TTC39C: variants seen among roughly 807,000 people sequenced by gnomAD.
TTC39C encodes the protein tetratricopeptide repeat protein 39C.
TTC39C carries 33 observed loss-of-function variants against 76.3 expected under a neutral mutation model. That is an observed-to-expected ratio of 0.43 (90% CI 0.33 to 0.58). The LOEUF is 0.58. TTC39C is among the 20% of genes least tolerant of loss of function. The pLI is 0.04. For synonymous variants in TTC39C, 254 were observed against 260.6 expected, an observed-to-expected ratio of 0.97 and a Z score of 0.24; for missense variants, 595 against 701.4, an observed-to-expected ratio of 0.85 and a Z score of 1.71.
chr18:24,044,939 C>T (rs1044098571), intron 1 of TTC39C, among the ~76,000 whole-genome samples: 4 of 151,884 alleles, frequency 2.6e-5, no homozygotes, highest in African/African-American at 9.7e-5. Flanking sequence ...CTTTGGAGAC[C>T]ATTGGCATCA....
intron 1 of TTC39C, among the ~76,000 whole-genome samples, chr18:24,032,072 C>T (rs2083678030): frequency 6.6e-6 from 1 of 152,164 alleles, no homozygotes; most frequent in African/African-American, 2.4e-5. Flanking sequence ...CTGCCCTAAG[C>T]CCGAATGCAG....
Position 24,078,147 on chromosome 18 carries a change from G to A in TTC39C, c.461-2438G>A, listed in dbSNP as rs554431793. ...CTAAAAAAACTTTGTAGATTAATTT[G>A]TTTTACTTGTTCATTCTACCCTATA... On this transcript the variant is annotated intron_variant, in intron 4 of 13. Coordinates refer to ENST00000317571, the MANE Select transcript of TTC39C (RefSeq NM_001135993.2). 2.6e-5 allele frequency among the ~76,000 whole-genome samples: 4 copies of A among 152,248 alleles called. No individual in the cohort carries two copies. In the South Asian group the frequency reaches 8.3e-4, roughly 32 times the overall value.
intron 6 of TTC39C, among the ~76,000 whole-genome samples, chr18:24,112,834 G>A (rs531417277): frequency 1.3e-5 from 2 of 152,320 alleles, no homozygotes; most frequent in African/African-American, 4.8e-5. Flanking sequence ...GCTAAATGGA[G>A]TGCATATCTG....
At chr18:24,107,620 C>T (rs189979991) in intron 6 of TTC39C, among the ~76,000 whole-genome samples, 379 of 152,338 alleles carry the variant, frequency 2.5e-3, no homozygotes, top group African/African-American at 9.0e-3. Flanking sequence ...TGTTCCTTTG[C>T]TCCTCCTTCG....
chr18:24,034,127 C>T (rs577280934), intron 1 of TTC39C, among the ~76,000 whole-genome samples: 1 of 152,220 alleles, frequency 6.6e-6, no homozygotes, highest in South Asian at 2.1e-4. Context: ...TGCAGATGTC[C>T]CAGAGGAGGT....
intron 1 of TTC39C, among the ~76,000 whole-genome samples, chr18:24,049,454 G>A (rs1210431742): frequency 1.3e-5 from 2 of 152,204 alleles, no homozygotes; most frequent in African/African-American, 4.8e-5. Flanking sequence ...TTCTCAGGCT[G>A]TTCCCTCACT....
intron 1 of TTC39C, chr18:24,000,586 A>T (rs1382752019): frequency 6.6e-6 from 1 of 152,294 alleles, no homozygotes; most frequent in Non-Finnish European, 1.5e-5. Flanking sequence ...GGGAAAAGAG[A>T]AAGAGAATCC....
chr18:24,019,175 G>T (rs184885864), intron 1 of TTC39C, among the ~76,000 whole-genome samples: 7 of 152,148 alleles, frequency 4.6e-5, no homozygotes, highest in Non-Finnish European at 1.0e-4. Flanking sequence ...AATGAGCTTC[G>T]CAGTTCTTAT....
At chr18:24,023,981 C>CTATATATATCT (rs1413099935) in intron 1 of TTC39C, among the ~76,000 whole-genome samples, 1 of 17,860 alleles carries the variant, frequency 5.6e-5, no homozygotes, top group Non-Finnish European at 1.3e-4. Context: ...TATATATATA[C>CTATATATATCT]ATATATATAT....
At chr18:23,998,574 C>T (rs760237981) in intron 1 of TTC39C, among the ~76,000 whole-genome samples, 1 of 152,116 alleles carries the variant, frequency 6.6e-6, no homozygotes, top group Admixed American at 6.5e-5. Context: ...TGCACCACTG[C>T]ACTCCAGCCC....
Position 24,133,953 on chromosome 18 carries a change from A to C in TTC39C, c.*1379A>C, listed in dbSNP as rs1265365373. 6.5e-6 allele frequency: 1 copy of C among 152,756 alleles called. No homozygotes were observed. Among genetic ancestry groups the C allele is most frequent in the Admixed American group, 6.5e-5 (1 of 15,278 alleles). 9.5% of individuals were successfully genotyped at this position (152,756 alleles called of 1,614,324 possible). A position where few individuals can be genotyped will look rare whatever the true frequency, so the allele number is the denominator to read the frequency against. The stretch of plus-strand genomic sequence containing the variant: ...TTCAAAATAAAACAGAAAAGCAAGT[A>C]GAATGTTGGCAAATTTTATCTGATT... On this transcript the variant is annotated 3_prime_UTR_variant, in exon 14 of 14. Transcript: ENST00000317571.
chr18:24,092,651 C>A (rs191721025), intron 6 of TTC39C, among the ~76,000 whole-genome samples: 1 of 152,252 alleles, frequency 6.6e-6, no homozygotes, highest in African/African-American at 2.4e-5. Flanking sequence ...TATATGATTC[C>A]ATTTATATGA....
chr18:24,106,222 T>C (rs1039676288), intron 6 of TTC39C, among the ~76,000 whole-genome samples: 1 of 152,184 alleles, frequency 6.6e-6, no homozygotes, highest in African/African-American at 2.4e-5. Flanking sequence ...TGCCAATTAG[T>C]GTCTCCCCAC....
At chr18:24,013,605 T>C (rs147873153), upstream of TTC39C, among the ~76,000 whole-genome samples, 688 of 152,268 alleles carry the variant, frequency 4.5e-3, 3 homozygotes, top group Middle Eastern at 0.01. Context: ...CAAAGTTTCT[T>C]CAAGTTGAAA....
chr18:24,005,844 C>CAAA (rs71746829), intron 1 of TTC39C, among the ~76,000 whole-genome samples: 1 of 122,956 alleles, frequency 8.1e-6, no homozygotes. Context: ...GACCCTGTCT[C>CAAA]AAAAAAAAAA....
At chr18:24,019,467 G>A (rs2083493375) in intron 1 of TTC39C, among the ~76,000 whole-genome samples, 1 of 152,214 alleles carries the variant, frequency 6.6e-6, no homozygotes, top group Non-Finnish European at 1.5e-5. Flanking sequence ...TGGCGAAAAT[G>A]TATTAAAAAG....
intron 6 of TTC39C, among the ~76,000 whole-genome samples, chr18:24,102,215 T>A (rs1459228066): frequency 6.6e-6 from 1 of 152,228 alleles, no homozygotes; most frequent in African/African-American, 2.4e-5. Context: ...AATGTCAGAA[T>A]CCTGCCATGA....
chr18:24,012,312 C>T (rs1371799326), upstream of TTC39C, among the ~76,000 whole-genome samples: 1 of 152,124 alleles, frequency 6.6e-6, no homozygotes, highest in Non-Finnish European at 1.5e-5. Context: ...TCCCTCTATC[C>T]ACGCCACCCC....
chr18:24,064,302 A>G, intron 2 of TTC39C, 114 bp downstream of exon 2: 1 of 1,257,400 alleles, frequency 8.0e-7, no homozygotes, highest in Non-Finnish European at 1.1e-6. Context: ...TTTAGAGTTT[A>G]AAACTGAAAT....
Sources: allele counts gnomAD v4.1 joint callset (sites outside exome capture counted in the v4.1 genomes callset), GRCh38; gene constraint gnomAD v4.1.1; transcripts MANE v1.5; gene names NCBI Gene and HGNC (gene_info 2026-07-23, HGNC 2026-07-21).